Variants in SPHK1 observed in about 807,000 individuals in gnomAD.
The protein encoded by SPHK1 is sphingosine kinase 1.
SPHK1 carries 10 observed loss-of-function variants against 14.6 expected under a neutral mutation model. That is an observed-to-expected ratio of 0.68 (90% confidence interval 0.42 to 1.16). SPHK1 has a LOEUF of 1.16. Ranked by LOEUF, SPHK1 falls within the 50% of genes most tolerant of loss-of-function variation. SPHK1 has a pLI of 0.00. For missense variants in SPHK1, 553 were observed against 525.4 expected, an observed-to-expected ratio of 1.05 and a Z score of -0.51; for synonymous variants, 274 against 224.0, an observed-to-expected ratio of 1.22 and a Z score of -1.99.
At chr17:76,384,872 C>T in intron 1 of SPHK1, 66 bp downstream of exon 1, 2 of 429,344 alleles carry the variant, frequency 4.7e-6, no homozygotes, top group South Asian at 4.5e-5. Flanking sequence ...CGCGGGGCCC[C>T]GGGAACTGGG....
At chr17:76,383,919 G>A, upstream of SPHK1, 1 of 1,189,868 alleles carries the variant, frequency 8.4e-7, no homozygotes, top group Non-Finnish European at 1.1e-6. Flanking sequence ...CTCCGGCTCG[G>A]AGCCCCCGGC....
rs766270322 is a variant in SPHK1, at chr17:76,385,468, A to G, written c.-177A>G. The G allele has an allele frequency of 3.2e-5, 50 of 1,557,558 alleles. No homozygotes were observed. The African/African-American group carries it at 4.9e-4, about 15-fold the overall frequency. ...TCCCTCAGGTCCAGCCGCCGCAGGG[A>G]ATGACGCCGGTGCTCCTGCAGCCAC... is the stretch of plus-strand genomic sequence containing the variant. On this transcript the variant is annotated 5_prime_UTR_variant, in exon 2 of 6. Coordinates refer to ENST00000592299, the MANE Select transcript of SPHK1 (RefSeq NM_001142601.2). This position sits in a 1 kb window ranked among gnomAD's most constrained non-coding sequence, Gnocchi z 5.3.
Position 76,385,170 on chromosome 17 carries a change from G to T in SPHK1, c.-194-281G>T. The T allele has an allele frequency of 6.3e-7, 1 of 1,589,504 alleles. No homozygotes were observed. The highest frequency in any genetic ancestry group is 8.5e-7 in the Non-Finnish European group (1 of 1,169,632). ...CCCCTCCCCCTGGCAGCCCCGAGGG[G>T]TGAGGAGCTAGTCCGTCGGAGGGAG... On this transcript the variant is annotated intron_variant, in intron 1 of 5. Coordinates refer to ENST00000592299, the MANE Select transcript of SPHK1 (RefSeq NM_001142601.2). The surrounding 1 kb of genome is among the most constrained non-coding windows in gnomAD (Gnocchi z 5.3).
upstream of SPHK1, chr17:76,383,857 C>T: frequency 5.5e-6 from 7 of 1,283,324 alleles, no homozygotes; most frequent in African/African-American, 3.1e-5. Context: ...ACATGCTTGG[C>T]TTTCCAATCC....
chr17:76,386,923 C>T lies in SPHK1; in HGVS notation c.492C>T (p.Phe164=). 3 of 1,613,272 alleles carry T rather than the reference C, an allele frequency of 1.9e-6. No homozygotes were observed. Among genetic ancestry groups the T allele is most frequent in the Non-Finnish European group, 2.5e-6 (3 of 1,179,730 alleles). The change falls in exon 6 of 6, where the codon TTC becomes TTT. Residue 164 remains phenylalanine (F), a synonymous_variant. Transcript: ENST00000592299. This position sits in a 1 kb window ranked among gnomAD's most constrained non-coding sequence, Gnocchi z 5.3. ...ACACGGCTTCGGGGCTGCGCCTCTTCTCTGTGCTCAGCCTGGCCTGGGGCT... is the reference window on the plus strand; with the variant it reads ...ACACGGCTTCGGGGCTGCGCCTCTTTTCTGTGCTCAGCCTGGCCTGGGGCT... ...SLHTASGLRL[F]SVLSLAWGFI...
chr17:76,384,019 T>TG, upstream of SPHK1: 1 of 447,648 alleles, frequency 2.2e-6, no homozygotes. Context: ...ATAACCTCCG[T>TG]GGGAGCGCGG....
chr17:76,386,070 G>C lies in SPHK1; in HGVS notation c.96G>C (p.Gln32His), dbSNP rs758144922. The change falls in exon 3 of 6, where the codon CAG (glutamine) becomes CAC (histidine). Residue 32 changes from glutamine (Q) to histidine (H), a missense_variant. Physicochemically the swap from Gln to His is conservative, Grantham distance 24 (BLOSUM62 0). Coordinates refer to ENST00000592299, the MANE Select transcript of SPHK1 (RefSeq NM_001142601.2). This position sits in a 1 kb window ranked among gnomAD's most constrained non-coding sequence, Gnocchi z 5.3. ...GCGGCGGCAAGGGCAAGGCCTTGCA[G>C]CTCTTCCGGAGTCACGTGCAGCCCC... Reference protein sequence around the residue: ...NPRGGKGKALQLFRSHVQPLL... With the variant: ...NPRGGKGKALHLFRSHVQPLL... 6.2e-7 allele frequency: 1 copy of C among 1,607,742 alleles called. No homozygotes were observed.
chr17:76,387,839 A>C lies in SPHK1; in HGVS notation c.*253A>C. ...CCCCCACCCCACGAACCAAATCCAA[A>C]TAAAGTGACATTCCCAGCCTGCTCG... is the stretch of plus-strand genomic sequence containing the variant. On this transcript the variant is annotated 3_prime_UTR_variant, in exon 6 of 6. Transcript: ENST00000592299. The surrounding 1 kb of genome is among the most constrained non-coding windows in gnomAD (Gnocchi z 4.1). The C allele has an allele frequency of 2.1e-6, 1 of 469,574 alleles. No individual in the cohort carries two copies. The highest frequency in any genetic ancestry group is 3.8e-6 in the Non-Finnish European group (1 of 265,102). 29.1% of individuals were successfully genotyped at this position (469,574 alleles called of 1,614,324 possible).
rs575702340 is a variant in SPHK1 at position 76,385,010 on chromosome 17, G to T, written c.-195+204G>T. 12 of 1,411,260 alleles carry T rather than the reference G, an allele frequency of 8.5e-6. No homozygotes were observed. The African/African-American group carries it at 1.6e-4, about 19-fold the overall frequency. The allele number at this position is 1,411,260 out of a possible 1,614,324, so 87.4% of individuals were successfully genotyped here. Reference sequence around the variant, plus strand: ...AACGGAGCGGGGCCCTGAGAAGCGCGCGCCGCGGCTCCCACCGCTCTGGAG... The same window carrying T: ...AACGGAGCGGGGCCCTGAGAAGCGCTCGCCGCGGCTCCCACCGCTCTGGAG... On this transcript the variant is annotated intron_variant, in intron 1 of 5. Transcript: ENST00000592299. This position sits in a 1 kb window ranked among gnomAD's most constrained non-coding sequence, Gnocchi z 5.3.
At position 76,386,479 on chromosome 17, in the gene SPHK1, G is replaced by C; in HGVS notation, c.345G>C (p.Ala115=). 6.2e-7 allele frequency: 1 copy of C among 1,612,758 alleles called. No homozygotes were observed. Among genetic ancestry groups the C allele is most frequent in the Non-Finnish European group, 8.5e-7 (1 of 1,179,948 alleles). Residue 115 remains alanine (A), a synonymous_variant, in exon 5 of 6, where the codon GCG becomes GCC. Transcript: ENST00000592299. The surrounding 1 kb of genome is among the most constrained non-coding windows in gnomAD (Gnocchi z 5.3). ...GCCTCCCAGCAGGCTCTGGCAACGCGCTGGCAGCTTCCTTGAACCATTATG... is the reference window on the plus strand; with the variant it reads ...GCCTCCCAGCAGGCTCTGGCAACGCCCTGGCAGCTTCCTTGAACCATTATG... The part of the protein sequence containing the change: ...LCSLPAGSGN[A]LAASLNHYAG...
Position 76,386,543 on chromosome 17 carries a change from G to A in SPHK1, c.374+35G>A. The A allele has an allele frequency of 2.5e-6, 4 of 1,574,718 alleles. No individual in the cohort carries two copies. Among genetic ancestry groups the A allele is most frequent in the South Asian group, 2.2e-5 (2 of 89,192 alleles). On this transcript the variant is annotated intron_variant, in intron 5 of 5. Transcript: ENST00000592299. This position sits in a 1 kb window ranked among gnomAD's most constrained non-coding sequence, Gnocchi z 5.3. ...CAGGGCCAGAGTAGGCCTGTTTCCCGTCAGTGCTCCTCTACCGCGGGGGTT... is the reference window on the plus strand; with the variant it reads ...CAGGGCCAGAGTAGGCCTGTTTCCCATCAGTGCTCCTCTACCGCGGGGGTT...
In SPHK1 at chr17:76,385,007, C is replaced by T; in HGVS notation, c.-195+201C>T. 7.2e-7 allele frequency: 1 copy of T among 1,397,896 alleles called. No homozygotes were observed. The highest frequency in any genetic ancestry group is 9.6e-7 in the Non-Finnish European group (1 of 1,036,518). 86.6% of individuals were successfully genotyped at this position (1,397,896 alleles called of 1,614,324 possible). A position where few individuals can be genotyped will look rare whatever the true frequency, so the allele number is the denominator to read the frequency against. ...CGCAACGGAGCGGGGCCCTGAGAAG[C>T]GCGCGCCGCGGCTCCCACCGCTCTG... On this transcript the variant is annotated intron_variant, in intron 1 of 5. Coordinates refer to ENST00000592299, the MANE Select transcript of SPHK1 (RefSeq NM_001142601.2). The surrounding 1 kb of genome is among the most constrained non-coding windows in gnomAD (Gnocchi z 5.3).
rs1405140435 is a variant in SPHK1, at chr17:76,386,191, C to G, written c.164-30C>G. 4.4e-6 allele frequency: 7 copies of G among 1,594,668 alleles called. No individual in the cohort carries two copies. The highest frequency in any genetic ancestry group is 1.1e-5 in the South Asian group (1 of 90,502). Reference sequence around the variant, plus strand: ...AGCATCCCCTGGCAGGGGACCCCCCCAGTCCTGATAGCTGCCGGTCTCCCT... The same window carrying G: ...AGCATCCCCTGGCAGGGGACCCCCCGAGTCCTGATAGCTGCCGGTCTCCCT... On this transcript the variant is annotated intron_variant, in intron 3 of 5. Transcript: ENST00000592299. This position sits in a 1 kb window ranked among gnomAD's most constrained non-coding sequence, Gnocchi z 5.3.
In SPHK1 at chr17:76,387,709, G is replaced by A. The variant is rs1450169195; in HGVS notation, c.*123G>A. 32 of 1,159,040 alleles carry A rather than the reference G, an allele frequency of 2.8e-5. No homozygotes were observed. The highest frequency in any genetic ancestry group is 8.3e-5 in the South Asian group (5 of 60,346). 71.8% of individuals were successfully genotyped at this position (1,159,040 alleles called of 1,614,324 possible). On this transcript the variant is annotated 3_prime_UTR_variant, in exon 6 of 6. Coordinates refer to ENST00000592299, the MANE Select transcript of SPHK1 (RefSeq NM_001142601.2). The surrounding 1 kb of genome is among the most constrained non-coding windows in gnomAD (Gnocchi z 4.1). ...GACTCCTCTGGAGAAGGGTGAGAAG[G>A]TGGAGGCTATGCTTTGGGGGGACAG...
Position 76,387,106 on chromosome 17 carries a change from C to G in SPHK1, c.675C>G (p.Ser225=). The change falls in exon 6 of 6, where the codon TCC becomes TCG. Residue 225 remains serine (S), a synonymous_variant. Transcript: ENST00000592299. The surrounding 1 kb of genome is among the most constrained non-coding windows in gnomAD (Gnocchi z 4.1). ...GAGTGGGTTCCAAGACACCTGCCTCCCCCGTTGTGGTCCAGCAGGGCCCGG... is the reference window on the plus strand; with the variant it reads ...GAGTGGGTTCCAAGACACCTGCCTCGCCCGTTGTGGTCCAGCAGGGCCCGG... ...VGRVGSKTPA[S]PVVVQQGPVD... is the part of the protein sequence containing the mutation. The G allele has an allele frequency of 6.2e-7, 1 of 1,613,320 alleles. No homozygotes were observed. Among genetic ancestry groups the G allele is most frequent in the Non-Finnish European group, 8.5e-7 (1 of 1,180,038 alleles).
Position 76,386,057 on chromosome 17 carries a change from G to C in SPHK1, c.83G>C (p.Gly28Ala). 6.2e-7 allele frequency: 1 copy of C among 1,608,328 alleles called. No individual in the cohort carries two copies. The highest frequency in any genetic ancestry group is 8.5e-7 in the Non-Finnish European group (1 of 1,177,566). The change falls in exon 3 of 6, where the codon GGC (glycine) becomes GCC (alanine). Residue 28 changes from glycine to alanine, a missense_variant. Gly to Ala is a moderately conservative substitution (Grantham distance 60). Transcript: ENST00000592299. The surrounding 1 kb of genome is among the most constrained non-coding windows in gnomAD (Gnocchi z 5.3). ...LVLLNPRGGKGKALQLFRSHV... is the reference protein window; with the variant it reads ...LVLLNPRGGKAKALQLFRSHV... The stretch of plus-strand genomic sequence containing the variant: ...CTGCTGAACCCGCGCGGCGGCAAGG[G>C]CAAGGCCTTGCAGCTCTTCCGGAGT...
In SPHK1 at chr17:76,387,498, CA is replaced by C; in HGVS notation, c.1070del (p.Asn357ThrfsTer68). 6.2e-7 allele frequency: 1 copy of C among 1,613,046 alleles called. No individual in the cohort carries two copies. Among genetic ancestry groups the C allele is most frequent in the Non-Finnish European group, 8.5e-7 (1 of 1,179,904 alleles). On this transcript the variant is annotated frameshift_variant, in exon 6 of 6. Coordinates refer to ENST00000592299, the MANE Select transcript of SPHK1 (RefSeq NM_001142601.2). LOFTEE classifies it low-confidence loss of function (END_TRUNC). This position sits in a 1 kb window ranked among gnomAD's most constrained non-coding sequence, Gnocchi z 4.1. Reference protein sequence around the residue: ...VSEAVQGQVHPNYFWMVSGCV... With the variant: ...VSEAVQGQVHXNYFWMVSGCV... ...GAGGCCGTGCAGGGCCAGGTGCACCCAAACTACTTCTGGATGGTCAGCGGTT... is the reference window on the plus strand; with the variant it reads ...GAGGCCGTGCAGGGCCAGGTGCACCCAACTACTTCTGGATGGTCAGCGGTT...
chr17:76,385,474 G>A lies in SPHK1; in HGVS notation c.-171G>A, dbSNP rs2247856. The A allele has an allele frequency of 0.43, 661,873 of 1,556,998 alleles. 148,100 individuals carry two copies. Among genetic ancestry groups the A allele is most frequent in the Non-Finnish European group, 0.46 (538,283 of 1,159,266 alleles). ...AGGTCCAGCCGCCGCAGGGAATGACGCCGGTGCTCCTGCAGCCACGGCTCC... is the reference window on the plus strand; with the variant it reads ...AGGTCCAGCCGCCGCAGGGAATGACACCGGTGCTCCTGCAGCCACGGCTCC... On this transcript the variant is annotated 5_prime_UTR_variant, in exon 2 of 6. Coordinates refer to ENST00000592299, the MANE Select transcript of SPHK1 (RefSeq NM_001142601.2). The surrounding 1 kb of genome is among the most constrained non-coding windows in gnomAD (Gnocchi z 5.3).
At position 76,386,016 on chromosome 17, in the gene SPHK1, C is replaced by T. The variant is rs773004272; in HGVS notation, c.42C>T (p.Pro14=). 1.9e-6 allele frequency: 3 copies of T among 1,604,970 alleles called. No homozygotes were observed. The highest frequency in any genetic ancestry group is 2.6e-6 in the Non-Finnish European group (3 of 1,175,200). Residue 14 remains proline, a synonymous_variant, in exon 3 of 6, where the codon CCC becomes CCT. Coordinates refer to ENST00000592299, the MANE Select transcript of SPHK1 (RefSeq NM_001142601.2). The surrounding 1 kb of genome is among the most constrained non-coding windows in gnomAD (Gnocchi z 5.3). ...GCCCCCGGGGCGTGCTCCCGCGGCC[C>T]TGCCGCGTGCTGGTGCTGCTGAACC... ...AGGPRGVLPR[P]CRVLVLLNPR... is the part of the protein sequence containing the mutation.
Sources: gnomAD v4.1 joint callset for allele counts on GRCh38, gnomAD v4.1.1 for gene constraint, Gnocchi (gnomAD v3.1) non-coding constraint, MANE v1.5 for transcripts, NCBI Gene and HGNC (gene_info 2026-07-23, HGNC 2026-07-21) for gene names.